UNC13C: variants seen among roughly 807,000 people sequenced by gnomAD.
UNC13C encodes protein unc-13 homolog C.
A neutral mutation model predicts 245.4 loss-of-function variants in UNC13C; 174 were observed. That is an observed-to-expected ratio of 0.71 (90% CI 0.63 to 0.80). The LOEUF is 0.80. Ranked by LOEUF, UNC13C falls within the 30% of genes least tolerant of loss-of-function variation. The pLI is 0.00. For missense variants in UNC13C, 2,829 were observed against 2,602.9 expected (o/e 1.09, Z -1.89); for synonymous variants, 992 against 895.1 (o/e 1.11, Z -1.93).
intron 19 of UNC13C, among the ~76,000 whole-genome samples, chr15:54,457,874 A>G (rs1596410405): frequency 2.3e-5 from 3 of 128,434 alleles, no homozygotes; most frequent in African/African-American, 8.8e-5. Context: ...AATTTCATGT[A>G]GTTCTGCTCT....
At chr15:54,356,066 T>C (rs1228556687) in intron 17 of UNC13C, among the ~76,000 whole-genome samples, 2 of 152,360 alleles carry the variant, frequency 1.3e-5, no homozygotes, top group East Asian at 3.9e-4. Context: ...TAAAATATTC[T>C]CATTTTTTAT....
intron 17 of UNC13C, among the ~76,000 whole-genome samples, chr15:54,362,068 A>G (rs985408014): frequency 6.6e-6 from 1 of 152,216 alleles, no homozygotes; most frequent in African/African-American, 2.4e-5. Context: ...CTGTAGCTCT[A>G]TGGCTCCAGC....
intron 19 of UNC13C, among the ~76,000 whole-genome samples, chr15:54,477,158 T>A (rs1367056476): frequency 8.5e-6 from 1 of 117,042 alleles, no homozygotes; most frequent in Non-Finnish European, 1.8e-5. Flanking sequence ...ACATTGATTT[T>A]GTATCCTGAG....
chr15:53,848,619 T>C, the UNC13C span, among the ~76,000 whole-genome samples: 1 of 152,178 alleles, frequency 6.6e-6, no homozygotes, highest in Non-Finnish European at 1.5e-5. Context: ...GGGTGTTCTC[T>C]GTGTCAATTA....
At chr15:54,191,926 C>A (rs1595980128) in intron 4 of UNC13C, among the ~76,000 whole-genome samples, 1 of 151,850 alleles carries the variant, frequency 6.6e-6, no homozygotes, top group South Asian at 2.1e-4. Flanking sequence ...TTTGTTTAAG[C>A]TCCTTGTAGA....
At chr15:54,071,088 A>G (rs954106872) in intron 2 of UNC13C, among the ~76,000 whole-genome samples, 2 of 152,182 alleles carry the variant, frequency 1.3e-5, no homozygotes, top group Admixed American at 6.6e-5. Flanking sequence ...CTGATAATTA[A>G]TATTTTTAAC....
chr15:54,395,942 A>G (rs1596322318), intron 18 of UNC13C, among the ~76,000 whole-genome samples: 1 of 151,762 alleles, frequency 6.6e-6, no homozygotes, highest in Admixed American at 6.6e-5. Context: ...TGTTTATTTG[A>G]GTAATATTTT....
At chr15:54,545,856 T>G (rs1896461255) in intron 26 of UNC13C, among the ~76,000 whole-genome samples, 1 of 152,140 alleles carries the variant, frequency 6.6e-6, no homozygotes, top group African/African-American at 2.4e-5. Context: ...ATAGGAACAC[T>G]TTTAAACTGT....
intron 24 of UNC13C, 134 bp from the exon 25 acceptor site, chr15:54,525,415 A>C: frequency 7.6e-6 from 3 of 394,394 alleles, no homozygotes; most frequent in Non-Finnish European, 1.3e-5. Context: ...CAAAGACCAA[A>C]AAAAAAAAAA....
chr15:54,609,372 G>T (rs943100110), intron 30 of UNC13C: 1 of 152,088 alleles, frequency 6.6e-6, no homozygotes, highest in Non-Finnish European at 1.5e-5. Flanking sequence ...CACAAATTCA[G>T]CAATTTGTTC....
intron 18 of UNC13C, among the ~76,000 whole-genome samples, chr15:54,406,967 TAATAAATA>T (rs1219376191): frequency 2.0e-5 from 3 of 152,016 alleles, no homozygotes; most frequent in Non-Finnish European, 4.4e-5. Context: ...TGTCAAGAAA[TAATAAATA>T]ATAGGGGTAG....
chr15:54,008,994 C>T (rs1205018726), intron 1 of UNC13C, among the ~76,000 whole-genome samples: 1 of 152,102 alleles, frequency 6.6e-6, no homozygotes, highest in Non-Finnish European at 1.5e-5. Flanking sequence ...AACAGGTGAT[C>T]ATTAAATGTC....
chr15:54,225,299 T>C (rs997207998), intron 4 of UNC13C, among the ~76,000 whole-genome samples: 3 of 152,214 alleles, frequency 2.0e-5, no homozygotes, highest in African/African-American at 7.2e-5. Context: ...TTGGGCTCTT[T>C]TTTGGTTCCA....
chr15:53,907,755 A>T, the UNC13C span, among the ~76,000 whole-genome samples: 1 of 114,520 alleles, frequency 8.7e-6, no homozygotes, highest in Non-Finnish European at 2.1e-5. Context: ...TTTAGCAGAG[A>T]GCAAGGTCTC....
chr15:54,161,265 TA>T (rs2032962242), intron 4 of UNC13C, among the ~76,000 whole-genome samples: 1 of 152,118 alleles, frequency 6.6e-6, no homozygotes, highest in African/African-American at 2.4e-5. Context: ...GTTCTATATG[TA>T]GTCTCAAAGT....
At chr15:53,924,098 T>C in the UNC13C span, among the ~76,000 whole-genome samples, 44 of 148,628 alleles carry the variant, frequency 3.0e-4, 1 homozygote, top group South Asian at 9.3e-3. Flanking sequence ...TCCCAGCTAC[T>C]TGGGAGGCTG....
chr15:54,298,859 C>A (rs1230974296), intron 12 of UNC13C, among the ~76,000 whole-genome samples: 5 of 152,068 alleles, frequency 3.3e-5, no homozygotes, highest in Admixed American at 3.3e-4. Context: ...AAAAAGACAA[C>A]TGAAAGATAG....
At position 54,013,072 on chromosome 15, in the gene UNC13C, T is replaced by G. The variant is rs1895452527; in HGVS notation, c.169T>G (p.Tyr57Asp). The change falls in exon 2 of 33, where the codon TAC becomes GAC. Residue 57 changes from tyrosine to aspartate, a missense_variant. Tyr to Asp is a radical substitution (Grantham distance 160, BLOSUM62 -3). Coordinates refer to ENST00000260323, the MANE Select transcript of UNC13C (RefSeq NM_001080534.3). The stretch of plus-strand genomic sequence containing the variant: ...CCAGACCAAATCCCCCAAATTTTCT[T>G]ACACTTTTAAAAGCACTGTAAAGAA... ...AGQTKSPKFS[Y>D]TFKSTVKKIA... is the part of the protein sequence containing the mutation. The G allele has an allele frequency of 1.2e-6, 2 of 1,613,796 alleles. No individual in the cohort carries two copies. The highest frequency in any genetic ancestry group is 1.7e-6 in the Non-Finnish European group (2 of 1,179,876).
At chr15:54,102,965 T>C (rs976909982) in intron 2 of UNC13C, among the ~76,000 whole-genome samples, 4 of 152,232 alleles carry the variant, frequency 2.6e-5, no homozygotes, top group African/African-American at 9.6e-5. Context: ...GGAAGCCTGT[T>C]GGTGGCTGTC....
Sources: allele counts gnomAD v4.1 joint callset (sites outside exome capture counted in the v4.1 genomes callset), GRCh38; gene constraint gnomAD v4.1.1; transcripts MANE v1.5; gene names NCBI Gene and HGNC (gene_info 2026-07-23, HGNC 2026-07-21).